TNPO1: variants seen among roughly 807,000 people sequenced by gnomAD.
The protein encoded by TNPO1 is transportin-1.
Under a neutral mutation model 119.5 loss-of-function variants are expected in TNPO1, and 8 were observed. That is an observed-to-expected ratio of 0.07 (90% CI 0.04 to 0.12). TNPO1 has a LOEUF of 0.12. Among genes scored for constraint, TNPO1 ranks in the 10% least tolerant of loss-of-function variants. TNPO1 has a pLI of 1.00. For missense variants in TNPO1, 576 were observed against 1,089.8 expected (o/e 0.53, Z 6.64); for synonymous variants, 362 against 363.0 (o/e 1.00, Z 0.03).
chr5:72,899,397 A>C (rs192226707), intron 20 of TNPO1, among the ~76,000 whole-genome samples: 4 of 152,286 alleles, frequency 2.6e-5, no homozygotes, highest in Admixed American at 2.6e-4. Context: ...AAAATCTGAC[A>C]GTTGATTTTG....
chr5:72,860,404 A>T (rs986746616), intron 4 of TNPO1, among the ~76,000 whole-genome samples: 1 of 152,248 alleles, frequency 6.6e-6, no homozygotes, highest in African/African-American at 2.4e-5. Flanking sequence ...TATCACTAAT[A>T]TGTTTACTAA....
intron 1 of TNPO1, among the ~76,000 whole-genome samples, chr5:72,840,784 G>C (rs1043828526): frequency 6.6e-6 from 1 of 152,046 alleles, no homozygotes; most frequent in Admixed American, 6.6e-5. Flanking sequence ...GACACTCTAA[G>C]CATACATTTA....
chr5:72,884,311 T>C (rs1374515652), intron 11 of TNPO1, among the ~76,000 whole-genome samples: 1 of 152,176 alleles, frequency 6.6e-6, no homozygotes, highest in Admixed American at 6.5e-5. Context: ...CTGGTGGACC[T>C]GCTCTTATTT....
At chr5:72,882,793 A>C (rs957912853) in intron 10 of TNPO1, among the ~76,000 whole-genome samples, 2 of 152,122 alleles carry the variant, frequency 1.3e-5, no homozygotes, top group African/African-American at 2.4e-5. Context: ...GCTGCTCTGA[A>C]TTTGATTCAG....
At chr5:72,878,812 T>C in intron 9 of TNPO1, 1 of 363,296 alleles carries the variant, frequency 2.8e-6, no homozygotes, top group Non-Finnish European at 5.4e-6. Context: ...CTGCAGAGAT[T>C]TTCTTTTTTT....
At chr5:72,888,042 A>C in intron 12 of TNPO1, 36 bp from the exon 13 acceptor site, 1 of 1,583,596 alleles carries the variant, frequency 6.3e-7, no homozygotes, top group South Asian at 1.1e-5. Context: ...ATGTTAACTA[A>C]ATTTTAGCAT....
rs1339743012 is a variant in TNPO1, at chr5:72,880,460, A to AT, written c.921-2004dup. 7.2e-5 allele frequency among the ~76,000 whole-genome samples: 11 copies of AT among 152,250 alleles called. No homozygotes were observed. The East Asian group carries it at 2.1e-3, about 29-fold the overall frequency. On this transcript the variant is annotated intron_variant, in intron 9 of 24. Coordinates refer to ENST00000337273, the MANE Select transcript of TNPO1 (RefSeq NM_002270.4). The stretch of plus-strand genomic sequence containing the variant: ...TGAAACAACCCAATGCTCAGCCCAT[A>AT]TTTAAGTATTCAGTAAACGTTTATT...
At chr5:72,894,979 T>C (rs1393319217) in intron 18 of TNPO1, among the ~76,000 whole-genome samples, 1 of 152,214 alleles carries the variant, frequency 6.6e-6, no homozygotes, top group African/African-American at 2.4e-5. Flanking sequence ...ACAAACCTCC[T>C]ATCACCCAGC....
intron 1 of TNPO1, chr5:72,817,016 C>A: frequency 2.1e-6 from 1 of 476,498 alleles, no homozygotes; most frequent in Non-Finnish European, 3.7e-6. Context: ...GCGGCAGGAG[C>A]CCGTTACAAG....
chr5:72,880,205 G>A (rs533977663), intron 9 of TNPO1, among the ~76,000 whole-genome samples: 3 of 152,042 alleles, frequency 2.0e-5, no homozygotes, highest in African/African-American at 4.8e-5. Context: ...GAAAAAAAAA[G>A]CACCAGTGTA....
intron 11 of TNPO1, among the ~76,000 whole-genome samples, chr5:72,884,038 CTG>C (rs1296062969): frequency 6.6e-6 from 1 of 152,150 alleles, no homozygotes; most frequent in African/African-American, 2.4e-5. Flanking sequence ...GCGTAAGCCA[CTG>C]TGTCTGGCCC....
At chr5:72,889,659 TTAACAGA>T in intron 13 of TNPO1, 120 bp from the exon 14 acceptor site, 1 of 959,154 alleles carries the variant, frequency 1.0e-6, no homozygotes, top group East Asian at 2.7e-5. Flanking sequence ...AGGGCTTTCA[TTAACAGA>T]TGGCTTAGAC....
At chr5:72,902,629 T>C (rs556223463) in intron 22 of TNPO1, among the ~76,000 whole-genome samples, 1 of 152,270 alleles carries the variant, frequency 6.6e-6, no homozygotes, top group South Asian at 2.1e-4. Context: ...TTATTGTTTC[T>C]TTGTTTTTGA....
At chr5:72,832,834 T>C (rs1458052804) in intron 1 of TNPO1, among the ~76,000 whole-genome samples, 1 of 152,172 alleles carries the variant, frequency 6.6e-6, no homozygotes, top group Non-Finnish European at 1.5e-5. Context: ...TAAAGAGGTG[T>C]ACACCTGAAT....
At chr5:72,850,035 G>T (rs528984515) in intron 2 of TNPO1, among the ~76,000 whole-genome samples, 1 of 152,306 alleles carries the variant, frequency 6.6e-6, no homozygotes, top group East Asian at 1.9e-4. Context: ...CTGGAACTTA[G>T]TATGTCCTCT....
intron 6 of TNPO1, among the ~76,000 whole-genome samples, chr5:72,866,306 C>T (rs972158064): frequency 3.9e-5 from 6 of 152,112 alleles, no homozygotes; most frequent in Non-Finnish European, 8.8e-5. Flanking sequence ...ATTTGGTTTT[C>T]CATTATTACA....
At chr5:72,819,297 A>G (rs1387802014) in intron 1 of TNPO1, among the ~76,000 whole-genome samples, 1 of 152,230 alleles carries the variant, frequency 6.6e-6, no homozygotes, top group Non-Finnish European at 1.5e-5. Flanking sequence ...TCAGATTTCA[A>G]CATGAATTTT....
In TNPO1 at chr5:72,913,129, A is replaced by G. The variant is rs539754422; in HGVS notation, c.*4456A>G. ...TCAGTAATGAGCTGTGTTGTTAACA[A>G]TATTATCTGGTAATAATACCATGCA... On this transcript the variant is annotated 3_prime_UTR_variant, in exon 25 of 25. Transcript: ENST00000337273. 2.5e-4 allele frequency: 38 copies of G among 152,662 alleles called. No individual in the cohort carries two copies. The highest frequency in any genetic ancestry group is 8.7e-4 in the African/African-American group (36 of 41,580). The allele number at this position is 152,662 out of a possible 1,614,324, so 9.5% of individuals were successfully genotyped here.
intron 6 of TNPO1, among the ~76,000 whole-genome samples, chr5:72,867,682 A>C (rs1391095127): frequency 6.6e-6 from 1 of 152,222 alleles, no homozygotes; most frequent in East Asian, 1.9e-4. Flanking sequence ...TACTTCCCTT[A>C]CATTTCTTGA....
Sources: allele counts gnomAD v4.1 joint callset (sites outside exome capture counted in the v4.1 genomes callset), GRCh38; gene constraint gnomAD v4.1.1; transcripts MANE v1.5; gene names NCBI Gene and HGNC (gene_info 2026-07-23, HGNC 2026-07-21).